Variants in CCDC62 observed in about 807,000 individuals in gnomAD.
CCDC62 encodes the protein coiled-coil domain-containing protein 62.
Under a neutral mutation model 80.8 loss-of-function variants are expected in CCDC62, and 72 were observed. That is an observed-to-expected ratio of 0.89 (90% confidence interval 0.74 to 1.08). The LOEUF (loss-of-function observed/expected upper bound fraction) is 1.08, where lower values mean the gene tolerates loss of function less well. CCDC62 is among the 50% of genes least tolerant of loss of function. The pLI is 0.00. For synonymous variants in CCDC62, 286 were observed against 296.5 expected, an observed-to-expected ratio of 0.96 and a Z score of 0.36; for missense variants, 704 against 809.4, an observed-to-expected ratio of 0.87 and a Z score of 1.58.
chr12:122,775,380 G>A (rs1456755867), intron 1 of CCDC62, among the ~76,000 whole-genome samples: 2 of 152,178 alleles, frequency 1.3e-5, no homozygotes, highest in African/African-American at 4.8e-5. Context: ...GCGTCCATCA[G>A]TGTAAGACGA....
At chr12:122,824,419 ACAAACAAACAAAAAAC>A (rs1365769202) in intron 12 of CCDC62, among the ~76,000 whole-genome samples, 1 of 51,438 alleles carries the variant, frequency 1.9e-5, no homozygotes, top group East Asian at 4.5e-4. Flanking sequence ...CTGTCTCTAA[ACAAACAAACAAAAAAC>A]CAAACAAACA....
chr12:122,805,716 G>A (rs907755684), intron 9 of CCDC62, among the ~76,000 whole-genome samples: 3 of 151,844 alleles, frequency 2.0e-5, no homozygotes, highest in South Asian at 2.1e-4. Context: ...GGGTTTCACC[G>A]TGTTAGGATG....
At chr12:122,775,116 A>AT (rs398021449) in intron 1 of CCDC62, among the ~76,000 whole-genome samples, 14 of 150,150 alleles carry the variant, frequency 9.3e-5, no homozygotes, top group Non-Finnish European at 1.8e-4. Context: ...AAAAAAAAAA[A>AT]GTGAAACAAT....
chr12:122,786,207 G>A (rs2030215359), intron 4 of CCDC62, among the ~76,000 whole-genome samples: 1 of 152,138 alleles, frequency 6.6e-6, no homozygotes, highest in Admixed American at 6.5e-5. Context: ...GAGTGCAGTG[G>A]CTCCGTCTCA....
At chr12:122,812,335 G>A (rs375815850) in intron 10 of CCDC62, among the ~76,000 whole-genome samples, 6 of 151,680 alleles carry the variant, frequency 4.0e-5, no homozygotes, top group African/African-American at 1.5e-4. Flanking sequence ...GCATCTACTC[G>A]GGAGGCTGAG....
intron 11 of CCDC62, among the ~76,000 whole-genome samples, chr12:122,815,423 T>C (rs769746199): frequency 2.6e-5 from 4 of 151,166 alleles, no homozygotes; most frequent in Non-Finnish European, 4.4e-5. Context: ...ATTTAAAATT[T>C]TGATTACTTC....
intron 10 of CCDC62, among the ~76,000 whole-genome samples, chr12:122,809,183 G>A (rs557215841): frequency 2.6e-5 from 4 of 152,298 alleles, no homozygotes; most frequent in South Asian, 2.1e-4. Flanking sequence ...TGCACTATGC[G>A]AACAAAACAC....
chr12:122,812,901 G>T (rs1022121521), intron 10 of CCDC62, among the ~76,000 whole-genome samples: 4 of 151,612 alleles, frequency 2.6e-5, no homozygotes, highest in Admixed American at 1.3e-4. Context: ...TAAAGACAAA[G>T]AAATATTCAC....
At chr12:122,801,977 C>A in intron 9 of CCDC62, 125 bp downstream of exon 9, 1 of 1,036,082 alleles carries the variant, frequency 9.7e-7, no homozygotes, top group Non-Finnish European at 1.4e-6. Context: ...TAACAGAAAT[C>A]TTCCTTAGGA....
Position 122,792,060 on chromosome 12 carries a change from A to G in CCDC62, c.711A>G (p.Arg237=). ...AGACGACAGAAAATAATGAGCAACG[A>G]GAAGAGATCATTCGCCTCAAGCAAG... ...NEKTTENNEQ[R]EEIIRLKQEK... is the part of the protein sequence containing the mutation. Residue 237 remains arginine (R), a synonymous_variant, in exon 6 of 13, where the codon CGA becomes CGG. Coordinates refer to ENST00000253079, the MANE Select transcript of CCDC62 (RefSeq NM_201435.5). The G allele has an allele frequency of 6.2e-7, 1 of 1,614,144 alleles. No individual in the cohort carries two copies. Among genetic ancestry groups the G allele is most frequent in the Non-Finnish European group, 8.5e-7 (1 of 1,179,988 alleles).
rs140691761 is a variant in CCDC62, at chr12:122,779,311, G to A, written c.229+1628G>A. 4.6e-5 allele frequency among the ~76,000 whole-genome samples: 7 copies of A among 152,298 alleles called. No homozygotes were observed. In the East Asian group the frequency reaches 1.4e-3, roughly 29 times the overall value. On this transcript the variant is annotated intron_variant, in intron 2 of 12. Transcript: ENST00000253079. Reference sequence around the variant, plus strand: ...TATGGCACCAAGGGAAAGCTGAGACGCTGCTGGTGGGAGTCAGTTGTCACT... The same window carrying A: ...TATGGCACCAAGGGAAAGCTGAGACACTGCTGGTGGGAGTCAGTTGTCACT...
chr12:122,809,308 G>T (rs2031764761), intron 10 of CCDC62, among the ~76,000 whole-genome samples: 1 of 151,896 alleles, frequency 6.6e-6, no homozygotes, highest in Non-Finnish European at 1.5e-5. Context: ...TGGCCAACAT[G>T]GTGAAACCCC....
chr12:122,822,851 C>G (rs2032470838), intron 11 of CCDC62, among the ~76,000 whole-genome samples: 1 of 152,170 alleles, frequency 6.6e-6, no homozygotes, highest in South Asian at 2.1e-4. Context: ...TGCGTATATA[C>G]TACGTTTTCC....
Position 122,823,355 on chromosome 12 carries a change from T to C in CCDC62, c.2002-11T>C. The C allele has an allele frequency of 6.2e-7, 1 of 1,605,678 alleles. No homozygotes were observed. On this transcript the variant is annotated splice_polypyrimidine_tract_variant and intron_variant, in intron 11 of 12. Transcript: ENST00000253079. Reference sequence around the variant, plus strand: ...TCTATCCTGAATACTAATCTGGGAGTTGTTTTCTAGAAGTCAGAGGTCCCA... The same window carrying C: ...TCTATCCTGAATACTAATCTGGGAGCTGTTTTCTAGAAGTCAGAGGTCCCA...
chr12:122,824,483 AAT>A (rs2032532719), intron 12 of CCDC62, among the ~76,000 whole-genome samples: 1 of 152,172 alleles, frequency 6.6e-6, no homozygotes, highest in Non-Finnish European at 1.5e-5. Flanking sequence ...CTCATGCAAG[AAT>A]GGCCATAATT....
intron 6 of CCDC62, among the ~76,000 whole-genome samples, chr12:122,796,284 G>A (rs1467225266): frequency 1.3e-5 from 2 of 151,376 alleles, no homozygotes; most frequent in African/African-American, 4.9e-5. Flanking sequence ...TTTGTTTAGG[G>A]ACCATGCTGT....
chr12:122,782,342 T>C (rs1262854100), intron 3 of CCDC62, among the ~76,000 whole-genome samples: 5 of 152,226 alleles, frequency 3.3e-5, no homozygotes, highest in South Asian at 2.1e-4. Context: ...TTAACCGTTA[T>C]GCCATTTGGT....
In CCDC62 at chr12:122,781,273, G is replaced by A. The variant is rs1176336938; in HGVS notation, c.339G>A (p.Gln113=). ...CQTALQKTQL[Q]LQEMAQKATH... Reference sequence around the variant, plus strand: ...CAGCTCTCCAAAAGACCCAACTACAGCTTCAGGAAATGGCTCAAAAGGCAA... The same window carrying A: ...CAGCTCTCCAAAAGACCCAACTACAACTTCAGGAAATGGCTCAAAAGGCAA... Residue 113 remains glutamine, a synonymous_variant, in exon 3 of 13, where the codon CAG becomes CAA. Transcript: ENST00000253079. 1 of 1,614,108 alleles carries A rather than the reference G, an allele frequency of 6.2e-7. No individual in the cohort carries two copies. The highest frequency in any genetic ancestry group is 8.5e-7 in the Non-Finnish European group (1 of 1,180,002).
At chr12:122,789,101 G>A (rs575756768) in intron 5 of CCDC62, among the ~76,000 whole-genome samples, 172 bp downstream of exon 5, 1 of 152,298 alleles carries the variant, frequency 6.6e-6, no homozygotes, top group South Asian at 2.1e-4. Context: ...TGTCTTATAA[G>A]ATATATAACA....
Sources: gnomAD v4.1 joint callset for allele counts (sites outside exome capture counted in the v4.1 genomes callset) on GRCh38, gnomAD v4.1.1 for gene constraint, MANE v1.5 for transcripts, NCBI Gene and HGNC (gene_info 2026-07-23, HGNC 2026-07-21) for gene names.